TMCO1: variants seen among roughly 807,000 people sequenced by gnomAD.
TMCO1 encodes calcium load-activated calcium channel.
Under a neutral mutation model 29.3 loss-of-function variants are expected in TMCO1, and 29 were observed. The observed-to-expected ratio is 0.99, with a 90% CI of 0.74 to 1.35. TMCO1 has a LOEUF of 1.35. Ranked by LOEUF, TMCO1 falls within the 40% of genes most tolerant of loss-of-function variation. TMCO1 has a pLI of 0.00. For missense variants in TMCO1, 173 were observed against 225.5 expected (o/e 0.77, Z 1.49); for synonymous variants, 80 against 77.1 (o/e 1.04, Z -0.20).
intron 2 of TMCO1, among the ~76,000 whole-genome samples, chr1:165,763,717 C>T (rs548421634): frequency 2.2e-4 from 34 of 152,354 alleles, no homozygotes; most frequent in African/African-American, 7.7e-4. Context: ...ACCCCGCCTC[C>T]TGAGCTCAAG....
chr1:165,762,972 T>C lies in TMCO1; in HGVS notation c.149-3388A>G, dbSNP rs570423898. 1.9e-4 allele frequency among the ~76,000 whole-genome samples: 29 copies of C among 152,328 alleles called. No individual in the cohort carries two copies. In the South Asian group the frequency reaches 6.0e-3, roughly 32 times the overall value. On this transcript the variant is annotated intron_variant, in intron 2 of 6. Transcript: ENST00000367881. ...CCTACTGATATTTAGAATACATCTATAAGCCCAGTGACCACCTGAGTCAAC... is the reference window on the plus strand; with the variant it reads ...CCTACTGATATTTAGAATACATCTACAAGCCCAGTGACCACCTGAGTCAAC...
chr1:165,748,172 C>A (rs540197709), intron 5 of TMCO1, among the ~76,000 whole-genome samples: 138 of 149,078 alleles, frequency 9.3e-4, no homozygotes, highest in Non-Finnish European at 1.3e-3. Context: ...AAAAAAAAAA[C>A]CAGTAAAAGG....
intron 2 of TMCO1, among the ~76,000 whole-genome samples, chr1:165,766,750 C>A (rs1331147813): frequency 6.8e-6 from 1 of 146,712 alleles, no homozygotes; most frequent in Non-Finnish European, 1.5e-5. Flanking sequence ...CAGAGTGAGA[C>A]CCTGTCTCAA....
In TMCO1 at chr1:165,757,894, A is replaced by G. The variant is rs368657403; in HGVS notation, c.208+1631T>C. On this transcript the variant is annotated intron_variant, in intron 3 of 6. Coordinates refer to ENST00000367881, the MANE Select transcript of TMCO1 (RefSeq NM_019026.6). ...GTTAAGATCATTTGAATTCAGATAC[A>G]CCGTGTTGCCAATTTAAGGACAGAG... Among the ~76,000 whole-genome samples the G allele has an allele frequency of 1.6e-4, 25 of 152,290 alleles. No homozygotes were observed. In the East Asian group the frequency reaches 4.4e-3, roughly 27 times the overall value.
chr1:165,748,780 T>C (rs1651894930), intron 5 of TMCO1, among the ~76,000 whole-genome samples: 1 of 152,208 alleles, frequency 6.6e-6, no homozygotes. Context: ...TAACATGTTA[T>C]CTACCATTAT....
At chr1:165,762,499 C>A (rs1192696561) in intron 2 of TMCO1, among the ~76,000 whole-genome samples, 1 of 152,034 alleles carries the variant, frequency 6.6e-6, no homozygotes, top group Non-Finnish European at 1.5e-5. Flanking sequence ...GTCTGGTCTT[C>A]TAGAAGACCA....
chr1:165,738,505 A>G (rs981726154), intron 6 of TMCO1, among the ~76,000 whole-genome samples: 1 of 152,256 alleles, frequency 6.6e-6, no homozygotes, highest in African/African-American at 2.4e-5. Context: ...CTAAGATCTT[A>G]AAAAGCAAAT....
intron 4 of TMCO1, 112 bp downstream of exon 4, chr1:165,754,116 C>G (rs1460561420): frequency 1.2e-6 from 1 of 854,248 alleles, no homozygotes; most frequent in African/African-American, 1.7e-5. Context: ...TTATTTATAG[C>G]CTTCACAGGT....
At chr1:165,754,163 T>C (rs1652100513) in intron 4 of TMCO1, 65 bp downstream of exon 4, 1 of 1,373,866 alleles carries the variant, frequency 7.3e-7, no homozygotes, top group Non-Finnish European at 1.0e-6. Flanking sequence ...ATGCACTTGA[T>C]GTAAATCAGT....
At chr1:165,749,729 T>G (rs1651929313) in intron 5 of TMCO1, among the ~76,000 whole-genome samples, 1 of 152,062 alleles carries the variant, frequency 6.6e-6, no homozygotes, top group Non-Finnish European at 1.5e-5. Flanking sequence ...ATATGACGAA[T>G]GGCATTACTT....
chr1:165,737,084 C>T (rs1651418928), intron 6 of TMCO1, among the ~76,000 whole-genome samples: 1 of 152,164 alleles, frequency 6.6e-6, no homozygotes, highest in Non-Finnish European at 1.5e-5. Flanking sequence ...GCTGAACAGG[C>T]ATGAGCCACC....
intron 6 of TMCO1, among the ~76,000 whole-genome samples, chr1:165,738,648 ATAAGC>A (rs1651476928): frequency 6.6e-6 from 1 of 152,240 alleles, no homozygotes; most frequent in Non-Finnish European, 1.5e-5. Flanking sequence ...TCTCTTGTGC[ATAAGC>A]TAACAGTGAG....
intron 3 of TMCO1, 31 bp downstream of exon 3, chr1:165,759,494 A>G (rs776339822): frequency 6.4e-7 from 1 of 1,561,072 alleles, no homozygotes; most frequent in Non-Finnish European, 8.8e-7. Context: ...AAGAAAACCC[A>G]AATTTCATTT....
chr1:165,735,802 A>T (rs1187649825), intron 6 of TMCO1, among the ~76,000 whole-genome samples: 1 of 152,194 alleles, frequency 6.6e-6, no homozygotes, highest in Non-Finnish European at 1.5e-5. Flanking sequence ...GGCATGAGCC[A>T]CCACGCCTGG....
At chr1:165,754,898 G>A (rs1652137265) in intron 3 of TMCO1, 1 of 152,906 alleles carries the variant, frequency 6.5e-6, no homozygotes, top group Non-Finnish European at 1.5e-5. Context: ...GGAGGCTACA[G>A]TGGGAGGATT....
chr1:165,729,005 G>A (rs904180015), intron 6 of TMCO1, among the ~76,000 whole-genome samples: 1 of 151,594 alleles, frequency 6.6e-6, no homozygotes, highest in South Asian at 2.1e-4. Context: ...ACTCGGGAGG[G>A]TGAGGCATGA....
intron 3 of TMCO1, among the ~76,000 whole-genome samples, chr1:165,758,481 GGGA>G (rs1190177167): frequency 6.7e-6 from 1 of 149,204 alleles, no homozygotes; most frequent in Non-Finnish European, 1.5e-5. Flanking sequence ...GCTTGAACCC[GGGA>G]GGCAGAGGTT....
intron 6 of TMCO1, 25 bp downstream of exon 6, chr1:165,743,142 T>C: frequency 6.2e-7 from 1 of 1,613,206 alleles, no homozygotes; most frequent in Non-Finnish European, 8.5e-7. Flanking sequence ...AATATACATA[T>C]TAAATGGTAG....
intron 6 of TMCO1, among the ~76,000 whole-genome samples, chr1:165,735,369 T>C (rs1651327167): frequency 6.6e-6 from 1 of 152,132 alleles, no homozygotes; most frequent in Non-Finnish European, 1.5e-5. Context: ...GAATAAACTA[T>C]AATCTTACTG....
Sources: allele counts gnomAD v4.1 joint callset (sites outside exome capture counted in the v4.1 genomes callset), GRCh38; gene constraint gnomAD v4.1.1; transcripts MANE v1.5; gene names NCBI Gene and HGNC (gene_info 2026-07-23, HGNC 2026-07-21).